Variants in METRN observed in about 807,000 individuals in gnomAD.
The protein encoded by METRN is meteorin.
Under a neutral mutation model 17.4 loss-of-function variants are expected in METRN, and 17 were observed. The ratio of observed to expected loss-of-function variants is 0.98; its 90% CI spans 0.67 to 1.46. The LOEUF (loss-of-function observed/expected upper bound fraction) is 1.46. METRN is among the 40% of genes most tolerant of loss of function. The pLI is 0.00. For missense variants in METRN, 489 were observed against 456.2 expected (o/e 1.07, Z -0.65); for synonymous variants, 230 against 210.8 (o/e 1.09, Z -0.79).
chr16:715,565 C>T lies in METRN; in HGVS notation c.105-19C>T, dbSNP rs1395889861. On this transcript the variant is annotated intron_variant, in intron 1 of 3. Coordinates refer to ENST00000568223, the MANE Select transcript of METRN (RefSeq NM_024042.4). ...GGGACCCGCCCCCGTCTCAGCGCCCCGTCCCGTCCTGTCCCCAGCGGCCTC... is the reference window on the plus strand; with the variant it reads ...GGGACCCGCCCCCGTCTCAGCGCCCTGTCCCGTCCTGTCCCCAGCGGCCTC... 3.1e-6 allele frequency: 4 copies of T among 1,305,154 alleles called. No homozygotes were observed. Among genetic ancestry groups the T allele is most frequent in the Admixed American group, 4.1e-5 (1 of 24,292 alleles). The allele number at this position is 1,305,154 out of a possible 1,614,324, so 80.8% of individuals were successfully genotyped here. A position where few individuals can be genotyped will look rare whatever the true frequency, so the allele number is the denominator to read the frequency against.
In METRN at chr16:715,861, G is replaced by T; in HGVS notation, c.382G>T (p.Ala128Ser). 1 of 1,362,106 alleles carries T rather than the reference G, an allele frequency of 7.3e-7. No individual in the cohort carries two copies. The highest frequency in any genetic ancestry group is 9.4e-7 in the Non-Finnish European group (1 of 1,061,642). The allele number at this position is 1,362,106 out of a possible 1,614,324, so 84.4% of individuals were successfully genotyped here. ...CVRWGPRERR[A>S]LFLQATPHQD... is the part of the protein sequence containing the mutation. ...GCGCTGGGGTCCCCGCGAGCGCCGG[G>T]CCCTCTTCCTGCAGGCCACGCCGCA... is the stretch of plus-strand genomic sequence containing the variant. The change falls in exon 2 of 4, where the codon GCC (alanine) becomes TCC (serine). Residue 128 changes from alanine to serine, a missense_variant. Physicochemically the swap from Ala to Ser is moderately conservative, Grantham distance 99 (BLOSUM62 1). Transcript: ENST00000568223.
Position 717,168 on chromosome 16 carries a change from G to T in METRN, c.663G>T (p.Pro221=). The stretch of plus-strand genomic sequence containing the variant: ...CCCGTGTCCTCCGCCAGACACCGCC[G>T]CTGTTCCAGGCGGGGCGATCCGGGG... ...VAARVLRQTP[P]LFQAGRSGDQ... The change falls in exon 4 of 4, where the codon CCG becomes CCT. Residue 221 remains proline (P), a synonymous_variant. Transcript: ENST00000568223. The T allele has an allele frequency of 6.2e-7, 1 of 1,604,458 alleles. No individual in the cohort carries two copies. Among genetic ancestry groups the T allele is most frequent in the Non-Finnish European group, 8.5e-7 (1 of 1,176,460 alleles).
At position 717,424 on chromosome 16, in the gene METRN, G is replaced by A; in HGVS notation, c.*37G>A. 23 of 1,357,284 alleles carry A rather than the reference G, an allele frequency of 1.7e-5. 1 individual carries two copies. The highest frequency in any genetic ancestry group is 2.2e-5 in the Non-Finnish European group (23 of 1,051,220). The allele number at this position is 1,357,284 out of a possible 1,614,324, so 84.1% of individuals were successfully genotyped here. On this transcript the variant is annotated 3_prime_UTR_variant, in exon 4 of 4. Coordinates refer to ENST00000568223, the MANE Select transcript of METRN (RefSeq NM_024042.4). ...CTGGGGAGGGGCTGGTAGGAGGGAG[G>A]GTGGGCCCACTGCTTTGGAGGTGAT... is the stretch of plus-strand genomic sequence containing the variant.
chr16:717,261 C>T lies in METRN; in HGVS notation c.756C>T (p.Leu252=), dbSNP rs2040169156. The change falls in exon 4 of 4, where the codon CTC becomes CTT. Residue 252 remains leucine, a synonymous_variant. Transcript: ENST00000568223. ...CGVHPGPGTF[L]FMGWSRFGEA... is the part of the protein sequence containing the mutation. ...TCCACCCGGGCCCAGGCACCTTCCT[C>T]TTCATGGGCTGGAGCCGCTTTGGGG... 6.4e-7 allele frequency: 1 copy of T among 1,562,446 alleles called. No homozygotes were observed. The highest frequency in any genetic ancestry group is 8.6e-7 in the Non-Finnish European group (1 of 1,157,162).
chr16:716,241 C>T, intron 2 of METRN: 1 of 985,454 alleles, frequency 1.0e-6, no homozygotes, highest in Non-Finnish European at 1.2e-6. Context: ...AATCCTGGGC[C>T]TCTGGTCCCT....
chr16:716,286 C>T (rs899110005), intron 2 of METRN: 5 of 1,376,988 alleles, frequency 3.6e-6, no homozygotes, highest in Admixed American at 3.3e-5. Context: ...GGGACAGAAT[C>T]GAAGCCTCCG....
At position 717,423 on chromosome 16, in the gene METRN, G is replaced by A. The variant is rs768313891; in HGVS notation, c.*36G>A. The A allele has an allele frequency of 3.7e-6, 5 of 1,361,640 alleles. No individual in the cohort carries two copies. Among genetic ancestry groups the A allele is most frequent in the African/African-American group, 1.5e-5 (1 of 65,218 alleles). 84.3% of individuals were successfully genotyped at this position (1,361,640 alleles called of 1,614,324 possible). ...GCTGGGGAGGGGCTGGTAGGAGGGA[G>A]GGTGGGCCCACTGCTTTGGAGGTGA... On this transcript the variant is annotated 3_prime_UTR_variant, in exon 4 of 4. Transcript: ENST00000568223.
In METRN at chr16:717,603, A is replaced by C; in HGVS notation, c.*216A>C. ...GGCTCAGGGGAATGGTATCTTGTTC[A>C]AGACCATTTGGCAACTGAGAGGGAG... On this transcript the variant is annotated 3_prime_UTR_variant, in exon 4 of 4. Transcript: ENST00000568223. 2.2e-6 allele frequency: 1 copy of C among 446,916 alleles called. No homozygotes were observed. The highest frequency in any genetic ancestry group is 6.4e-5 in the South Asian group (1 of 15,626). The allele number at this position is 446,916 out of a possible 1,614,324, so 27.7% of individuals were successfully genotyped here.
At chr16:715,428 G>A (rs1246556974) in intron 1 of METRN, 35 bp downstream of exon 1, 5 of 1,273,318 alleles carry the variant, frequency 3.9e-6, no homozygotes, top group Non-Finnish European at 5.0e-6. Flanking sequence ...CACTTAGGAC[G>A]GGGTGCGCTG....
In METRN at chr16:717,174, C is replaced by G; in HGVS notation, c.669C>G (p.Phe223Leu). 1 of 1,604,170 alleles carries G rather than the reference C, an allele frequency of 6.2e-7. No homozygotes were observed. The highest frequency in any genetic ancestry group is 8.5e-7 in the Non-Finnish European group (1 of 1,176,588). Residue 223 changes from phenylalanine to leucine, a missense_variant, in exon 4 of 4, where the codon TTC becomes TTG. Transcript: ENST00000568223. ...TCCTCCGCCAGACACCGCCGCTGTT[C>G]CAGGCGGGGCGATCCGGGGACCAGG... is the stretch of plus-strand genomic sequence containing the variant. The part of the protein sequence containing the change: ...ARVLRQTPPL[F>L]QAGRSGDQGL...
At position 716,160 on chromosome 16, in the gene METRN, C is replaced by T. The variant is rs1212728033; in HGVS notation, c.505+176C>T. On this transcript the variant is annotated intron_variant, in intron 2 of 3. Coordinates refer to ENST00000568223, the MANE Select transcript of METRN (RefSeq NM_024042.4). ...GCTGGGGAGGGATGGCCTCCCCGCCCTCCCTTCCCGATTCATCTCTGGAAA... is the reference window on the plus strand; with the variant it reads ...GCTGGGGAGGGATGGCCTCCCCGCCTTCCCTTCCCGATTCATCTCTGGAAA... 7.1e-6 allele frequency: 7 copies of T among 985,206 alleles called. No homozygotes were observed. In the East Asian group the frequency reaches 5.7e-4, roughly 80 times the overall value. The allele number at this position is 985,206 out of a possible 1,614,324, so 61.0% of individuals were successfully genotyped here.
Position 715,334 on chromosome 16 carries a change from C to G in METRN, c.45C>G (p.Gly15=). ...AAALLCALCC[G]LLAPAARAGY... is the part of the protein sequence containing the mutation. ...CGCTGCTCTGCGCGCTGTGCTGCGGCCTCCTGGCCCCGGCTGCCCGCGCCG... is the reference window on the plus strand; with the variant it reads ...CGCTGCTCTGCGCGCTGTGCTGCGGGCTCCTGGCCCCGGCTGCCCGCGCCG... Residue 15 remains glycine (G), a synonymous_variant, in exon 1 of 4, where the codon GGC becomes GGG. Transcript: ENST00000568223. 7.4e-7 allele frequency: 1 copy of G among 1,343,292 alleles called. No homozygotes were observed. Among genetic ancestry groups the G allele is most frequent in the Non-Finnish European group, 9.5e-7 (1 of 1,048,962 alleles). The allele number at this position is 1,343,292 out of a possible 1,614,324, so 83.2% of individuals were successfully genotyped here.
chr16:715,226 ACCCGCGC>A lies in METRN; in HGVS notation c.-58_-52del. ...CCCGGCTGCTCCCGCCGCCGCCCGGACCCGCGCCCCGCCGGGGCAGCGGTGGTGAGAG... is the reference window on the plus strand; with the variant it reads ...CCCGGCTGCTCCCGCCGCCGCCCGGACCCGCCGGGGCAGCGGTGGTGAGAG... On this transcript the variant is annotated 5_prime_UTR_variant, in exon 1 of 4. Transcript: ENST00000568223. 4 of 879,538 alleles carry A rather than the reference ACCCGCGC, an allele frequency of 4.5e-6. No homozygotes were observed. The highest frequency in any genetic ancestry group is 5.6e-6 in the Non-Finnish European group (4 of 718,234). 54.5% of individuals were successfully genotyped at this position (879,538 alleles called of 1,614,324 possible). A position where few individuals can be genotyped will look rare whatever the true frequency, so the allele number is the denominator to read the frequency against.
intron 2 of METRN, 35 bp from the exon 3 acceptor site, chr16:716,898 C>T: frequency 6.5e-7 from 1 of 1,535,464 alleles, no homozygotes; most frequent in Admixed American, 1.9e-5. Flanking sequence ...CGGGAGAGGG[C>T]AGGGCCTCTC....
In METRN at chr16:717,421, G is replaced by GT; in HGVS notation, c.*34_*35insT. On this transcript the variant is annotated 3_prime_UTR_variant, in exon 4 of 4. Coordinates refer to ENST00000568223, the MANE Select transcript of METRN (RefSeq NM_024042.4). ...GTGCTGGGGAGGGGCTGGTAGGAGGGAGGGTGGGCCCACTGCTTTGGAGGT... is the reference window on the plus strand; with the variant it reads ...GTGCTGGGGAGGGGCTGGTAGGAGGGTAGGGTGGGCCCACTGCTTTGGAGGT... 3.4e-6 allele frequency: 4 copies of GT among 1,186,620 alleles called. No individual in the cohort carries two copies. The highest frequency in any genetic ancestry group is 4.4e-6 in the Non-Finnish European group (4 of 905,636). 73.5% of individuals were successfully genotyped at this position (1,186,620 alleles called of 1,614,324 possible).
At chr16:716,579 C>T (rs1315715107) in intron 2 of METRN, 2 of 1,535,142 alleles carry the variant, frequency 1.3e-6, no homozygotes, top group African/African-American at 2.7e-5. Context: ...GCTCTTCAGA[C>T]CTCAGATCCG....
At position 717,307 on chromosome 16, in the gene METRN, C is replaced by G; in HGVS notation, c.802C>G (p.Pro268Ala). The G allele has an allele frequency of 6.6e-7, 1 of 1,520,876 alleles. No homozygotes were observed. The highest frequency in any genetic ancestry group is 8.8e-7 in the Non-Finnish European group (1 of 1,136,478). 94.2% of individuals were successfully genotyped at this position (1,520,876 alleles called of 1,614,324 possible). A position where few individuals can be genotyped will look rare whatever the true frequency, so the allele number is the denominator to read the frequency against. ...RFGEARLGCA[P>A]RFQEFRRAYE... ...TGGGGAGGCCCGGCTGGGCTGTGCC[C>G]CACGATTCCAGGAGTTCCGCCGTGC... Residue 268 changes from proline to alanine, a missense_variant, in exon 4 of 4, where the codon CCA becomes GCA. Coordinates refer to ENST00000568223, the MANE Select transcript of METRN (RefSeq NM_024042.4).
Position 717,010 on chromosome 16 carries a change from G to A in METRN, c.565+18G>A, listed in dbSNP as rs762416612. 6.2e-6 allele frequency: 10 copies of A among 1,609,480 alleles called. No individual in the cohort carries two copies. The highest frequency in any genetic ancestry group is 8.5e-6 in the Non-Finnish European group (10 of 1,178,154). On this transcript the variant is annotated intron_variant, in intron 3 of 3. Coordinates refer to ENST00000568223, the MANE Select transcript of METRN (RefSeq NM_024042.4). ...CGACTTCGGTGAGTGTCCCCGCCAT[G>A]GGGGGAGCCTGGAGCCTGCCTTCCC...
rs1346578745 is a variant in METRN, at chr16:716,753, C to T, written c.506-180C>T. The T allele has an allele frequency of 6.5e-6, 10 of 1,534,918 alleles. No individual in the cohort carries two copies. The East Asian group carries it at 7.3e-5, about 11-fold the overall frequency. ...AAGTGTGTTTCCTGAGTACAGGTGTCGCCGAGGGCGTGCACATCTGCTGTG... is the reference window on the plus strand; with the variant it reads ...AAGTGTGTTTCCTGAGTACAGGTGTTGCCGAGGGCGTGCACATCTGCTGTG... On this transcript the variant is annotated intron_variant, in intron 2 of 3. Transcript: ENST00000568223.
Sources: gnomAD v4.1 joint callset for allele counts on GRCh38, gnomAD v4.1.1 for gene constraint, MANE v1.5 for transcripts, NCBI Gene and HGNC (gene_info 2026-07-23, HGNC 2026-07-21) for gene names.